SRBD1: variants seen among roughly 807,000 people sequenced by gnomAD.
SRBD1 encodes S1 RNA-binding domain-containing protein 1.
A neutral mutation model predicts 115.3 loss-of-function variants in SRBD1; 88 were observed. That is an observed-to-expected ratio of 0.76 (90% CI 0.64 to 0.91). The LOEUF is 0.91. Ranked by LOEUF, SRBD1 falls within the 40% of genes least tolerant of loss-of-function variation. SRBD1 has a pLI of 0.00. For synonymous variants in SRBD1, 509 were observed against 407.7 expected (o/e 1.25, Z -2.99); for missense variants, 1,385 against 1,177.4 (o/e 1.18, Z -2.58).
intron 19 of SRBD1, among the ~76,000 whole-genome samples, chr2:45,403,861 G>A (rs1392324020): frequency 3.3e-5 from 5 of 152,094 alleles, no homozygotes; most frequent in Non-Finnish European, 7.4e-5. Flanking sequence ...TCTAAGATCA[G>A]TTCAGTGTTC....
intron 16 of SRBD1, among the ~76,000 whole-genome samples, chr2:45,421,279 G>T (rs565338690): frequency 6.6e-6 from 1 of 151,996 alleles, no homozygotes; most frequent in African/African-American, 2.4e-5. Context: ...AGGCCGAGGT[G>T]GGCGGATCAC....
chr2:45,455,010 T>C (rs1669109918), intron 16 of SRBD1, among the ~76,000 whole-genome samples: 1 of 151,746 alleles, frequency 6.6e-6, no homozygotes, highest in Non-Finnish European at 1.5e-5. Flanking sequence ...AAATTTAGCA[T>C]CTCTTTTCTC....
chr2:45,454,855 T>A (rs967460629), intron 16 of SRBD1, among the ~76,000 whole-genome samples: 1 of 151,952 alleles, frequency 6.6e-6, no homozygotes, highest in Admixed American at 6.6e-5. Context: ...ATCTTGTTTC[T>A]ATTCTAATTT....
At position 45,573,255 on chromosome 2, in the gene SRBD1, C is replaced by T; in HGVS notation, c.1257G>A (p.Leu419=). Reference sequence around the variant, plus strand: ...TGTTGCAGGAAAAATGCTGGTAGAGCAGAAACTTATCAACATCTTTCTCAT... The same window carrying T: ...TGTTGCAGGAAAAATGCTGGTAGAGTAGAAACTTATCAACATCTTTCTCAT... ...KVNEKDVDKF[L]LYQHFSCNIR... is the part of the protein sequence containing the mutation. The change falls in exon 9 of 21, where the codon CTG becomes CTA. Residue 419 remains leucine, a synonymous_variant. Coordinates refer to ENST00000263736, the MANE Select transcript of SRBD1 (RefSeq NM_018079.5). 6.2e-7 allele frequency: 1 copy of T among 1,611,846 alleles called. No individual in the cohort carries two copies. Among genetic ancestry groups the T allele is most frequent in the Admixed American group, 1.7e-5 (1 of 59,714 alleles).
intron 1 of SRBD1, among the ~76,000 whole-genome samples, chr2:45,607,875 G>A (rs563313171): frequency 6.9e-4 from 105 of 152,268 alleles, no homozygotes; most frequent in African/African-American, 2.4e-3. Context: ...CTAGTCTTCC[G>A]CCACTAAATT....
At chr2:45,543,586 A>G (rs1471764425) in intron 14 of SRBD1, among the ~76,000 whole-genome samples, 3 of 152,220 alleles carry the variant, frequency 2.0e-5, no homozygotes, top group African/African-American at 7.2e-5. Context: ...TGGAGATTTC[A>G]ATTTCAGTGT....
At chr2:45,602,963 A>G (rs185654621) in intron 2 of SRBD1, among the ~76,000 whole-genome samples, 56 of 152,242 alleles carry the variant, frequency 3.7e-4, no homozygotes, top group African/African-American at 1.3e-3. Context: ...CAGAGGTACC[A>G]CTAAGCCTGG....
At chr2:45,507,125 G>A (rs938626084) in intron 14 of SRBD1, among the ~76,000 whole-genome samples, 7 of 152,172 alleles carry the variant, frequency 4.6e-5, no homozygotes, top group Admixed American at 3.9e-4. Context: ...TATTGCTTAA[G>A]ATCATGAAAA....
intron 5 of SRBD1, among the ~76,000 whole-genome samples, chr2:45,584,285 C>T (rs1673450164): frequency 6.6e-6 from 1 of 152,220 alleles, no homozygotes; most frequent in African/African-American, 2.4e-5. Flanking sequence ...GGTTGCCCCT[C>T]TTAGACAGGG....
chr2:45,396,663 G>C (rs1400156745), intron 19 of SRBD1, among the ~76,000 whole-genome samples: 1 of 152,164 alleles, frequency 6.6e-6, no homozygotes, highest in South Asian at 2.1e-4. Context: ...ATTTTCAACA[G>C]AAACTTGTTA....
At chr2:45,398,166 C>T (rs1558551683) in intron 19 of SRBD1, among the ~76,000 whole-genome samples, 1 of 152,090 alleles carries the variant, frequency 6.6e-6, no homozygotes, top group Non-Finnish European at 1.5e-5. Context: ...CGTTTTTTTA[C>T]AGTAAATTAA....
At chr2:45,542,579 T>C (rs917532669) in intron 14 of SRBD1, among the ~76,000 whole-genome samples, 1 of 152,216 alleles carries the variant, frequency 6.6e-6, no homozygotes, top group Non-Finnish European at 1.5e-5. Flanking sequence ...ACTAGAATTC[T>C]GATACATTGT....
At chr2:45,565,670 G>C (rs1340135370) in intron 9 of SRBD1, among the ~76,000 whole-genome samples, 2 of 152,202 alleles carry the variant, frequency 1.3e-5, no homozygotes, top group African/African-American at 4.8e-5. Context: ...TATCAAGAAA[G>C]TGAAAAGAAA....
intron 14 of SRBD1, among the ~76,000 whole-genome samples, chr2:45,532,806 C>T (rs773736537): frequency 6.8e-6 from 1 of 148,052 alleles, no homozygotes; most frequent in African/African-American, 2.4e-5. Context: ...ACCGACCCCC[C>T]ACTGCAGCCA....
chr2:45,575,830 A>C (rs930083042), intron 7 of SRBD1, among the ~76,000 whole-genome samples: 1 of 152,080 alleles, frequency 6.6e-6, no homozygotes, highest in African/African-American at 2.4e-5. Context: ...CAGCCTCCCA[A>C]GTAACAGGGA....
At chr2:45,396,433 C>T (rs1667147866) in intron 19 of SRBD1, among the ~76,000 whole-genome samples, 1 of 152,062 alleles carries the variant, frequency 6.6e-6, no homozygotes, top group African/African-American at 2.4e-5. Flanking sequence ...TCATTTTCTC[C>T]ACTGTTTTTG....
rs1303860696 is a variant in SRBD1 at position 45,389,449 on chromosome 2, T to C, written c.2849A>G (p.Asn950Ser). ...VGKSGLIPIR[N>S]VTEAKLSKTK... ...TTTTGAAAGTTTTGCTTCTGTTACA[T>C]TTCGTATGGGAATCAGCCCAGATTT... is the stretch of plus-strand genomic sequence containing the variant. The change falls in exon 21 of 21, where the codon AAT (asparagine) becomes AGT (serine). Residue 950 changes from asparagine (N) to serine (S), a missense_variant. By Grantham distance (46) the Asn-to-Ser change is conservative. Transcript: ENST00000263736. 6.2e-7 allele frequency: 1 copy of C among 1,613,952 alleles called. No homozygotes were observed. Among genetic ancestry groups the C allele is most frequent in the Non-Finnish European group, 8.5e-7 (1 of 1,179,980 alleles).
intron 14 of SRBD1, among the ~76,000 whole-genome samples, chr2:45,496,823 C>T (rs1408188904): frequency 6.6e-6 from 1 of 152,194 alleles, no homozygotes; most frequent in African/African-American, 2.4e-5. Context: ...CTAACATACT[C>T]ACCACCCAGT....
rs76778326 is a variant in SRBD1, at chr2:45,405,021, C to T, written c.2513+8093G>A. Reference sequence around the variant, plus strand: ...AATGTCACCAAGTCAATGAGGCCTGCGATGACTACCCTACTTAAATTTTCA... The same window carrying T: ...AATGTCACCAAGTCAATGAGGCCTGTGATGACTACCCTACTTAAATTTTCA... On this transcript the variant is annotated intron_variant, in intron 19 of 20. Coordinates refer to ENST00000263736, the MANE Select transcript of SRBD1 (RefSeq NM_018079.5). 3.7e-3 allele frequency among the ~76,000 whole-genome samples: 569 copies of T among 152,218 alleles called. 10 individuals are homozygous for T. The highest frequency in any genetic ancestry group is 0.013 in the African/African-American group (541 of 41,544).
Sources: allele counts gnomAD v4.1 joint callset (sites outside exome capture counted in the v4.1 genomes callset), GRCh38; gene constraint gnomAD v4.1.1; transcripts MANE v1.5; gene names NCBI Gene and HGNC (gene_info 2026-07-23, HGNC 2026-07-21).